CDKL5: variants seen among roughly 807,000 people sequenced by gnomAD.
CDKL5 encodes cyclin-dependent kinase-like 5.
A neutral mutation model predicts 61.7 loss-of-function variants in CDKL5; 8 were observed. That is an observed-to-expected ratio of 0.13 (90% CI 0.08 to 0.23). CDKL5 has a LOEUF of 0.23. CDKL5 is among the 10% of genes least tolerant of loss of function. The pLI is 1.00. For synonymous variants in CDKL5, 275 were observed against 272.3 expected, an observed-to-expected ratio of 1.01 and a Z score of -0.10; for missense variants, 440 against 734.5, an observed-to-expected ratio of 0.60 and a Z score of 4.63.
At chrX:18,576,730 T>A (rs894405348) in intron 5 of CDKL5, among the ~76,000 whole-genome samples, 5 of 110,864 alleles carry the variant, frequency 4.5e-5, no homozygotes, top group African/African-American at 1.3e-4. Context: ...TTTTCCAGAA[T>A]CTGTTTTAAG....
intron 1 of CDKL5, among the ~76,000 whole-genome samples, chrX:18,457,708 T>C (rs980660847): frequency 7.4e-5 from 8 of 108,623 alleles, no homozygotes; most frequent in African/African-American, 1.7e-4. Context: ...CTCTGCCTCC[T>C]GGGTTCAAGC....
Position 18,613,281 on chromosome X carries a change from C to T in CDKL5, c.2276+6C>T. The T allele has an allele frequency of 7.6e-6, 9 of 1,191,438 alleles. No individual in the cohort carries two copies. The highest frequency in any genetic ancestry group is 1.0e-5 in the Non-Finnish European group (9 of 882,583). On this transcript the variant is annotated splice_donor_region_variant and intron_variant, in intron 15 of 17. Coordinates refer to ENST00000623535, the MANE Select transcript of CDKL5 (RefSeq NM_001323289.2). Reference sequence around the variant, plus strand: ...CAACCAGCATTCGATCCATGGTGAGCATTTTGGTTTGTTTTTACTCTTCCT... The same window carrying T: ...CAACCAGCATTCGATCCATGGTGAGTATTTTGGTTTGTTTTTACTCTTCCT...
At chrX:18,478,592 A>G (rs184249993) in intron 1 of CDKL5, among the ~76,000 whole-genome samples, 56 of 105,032 alleles carry the variant, frequency 5.3e-4, no homozygotes, top group Non-Finnish European at 8.6e-4. Context: ...TGCCTGGCCA[A>G]TCTCCGTTGT....
chrX:18,488,047 C>A (rs932106861), intron 1 of CDKL5, among the ~76,000 whole-genome samples: 2 of 111,767 alleles, frequency 1.8e-5, no homozygotes, highest in Non-Finnish European at 3.8e-5. Flanking sequence ...AATTCAAATA[C>A]TACTTAATTC....
chrX:18,477,456 G>A (rs1921361262), intron 1 of CDKL5, among the ~76,000 whole-genome samples: 1 of 112,138 alleles, frequency 8.9e-6, no homozygotes, highest in African/African-American at 3.2e-5. Flanking sequence ...GATATGTTTG[G>A]ATTTACATCT....
intron 15 of CDKL5, among the ~76,000 whole-genome samples, chrX:18,615,808 T>A (rs1458340354): frequency 8.9e-6 from 1 of 112,284 alleles, no homozygotes; most frequent in East Asian, 2.8e-4. Flanking sequence ...AAGAGAATAT[T>A]TGTACAGTGT....
Position 18,638,729 on chromosome X carries a change from T to C in CDKL5, c.*9972T>C, listed in dbSNP as rs893577024. ...TTTGCAATGATGGACAAGTTAGTTA[T>C]AATTCATATGGAAATTCAAGGAACC... On this transcript the variant is annotated 3_prime_UTR_variant, in exon 18 of 18. Transcript: ENST00000623535. Among the ~76,000 whole-genome samples, 1 of 112,245 alleles carries C rather than the reference T, an allele frequency of 8.9e-6. No individual in the cohort carries two copies. The highest frequency in any genetic ancestry group is 1.9e-5 in the Non-Finnish European group (1 of 53,294).
At chrX:18,610,355 T>C (rs997300037) in intron 14 of CDKL5, among the ~76,000 whole-genome samples, 6 of 112,538 alleles carry the variant, frequency 5.3e-5, no homozygotes, top group African/African-American at 1.6e-4. Flanking sequence ...TCCTCTTCAG[T>C]ATAATATCTT....
chrX:18,456,089 C>T (rs753186837), intron 1 of CDKL5, among the ~76,000 whole-genome samples: 1 of 107,074 alleles, frequency 9.3e-6, no homozygotes, highest in South Asian at 4.2e-4. Context: ...GCTCTTGTCA[C>T]CCAGGCTGGA....
chrX:18,560,484 GA>G (rs1432639860), intron 3 of CDKL5, among the ~76,000 whole-genome samples: 1 of 111,941 alleles, frequency 8.9e-6, no homozygotes, highest in Non-Finnish European at 1.9e-5. Flanking sequence ...GCCTAAAATG[GA>G]TAAAACAAAA....
chrX:18,429,835 A>G (rs1171936594), intron 1 of CDKL5, among the ~76,000 whole-genome samples: 1 of 111,463 alleles, frequency 9.0e-6, no homozygotes, highest in Non-Finnish European at 1.9e-5. Context: ...GCGGGGTCTC[A>G]TGATGTTGCT....
intron 1 of CDKL5, among the ~76,000 whole-genome samples, chrX:18,463,425 A>T (rs1932333759): frequency 8.9e-6 from 1 of 112,205 alleles, no homozygotes; most frequent in Non-Finnish European, 1.9e-5. Context: ...ATTCTCTTTA[A>T]ATATTTTGAG....
intron 1 of CDKL5, among the ~76,000 whole-genome samples, chrX:18,431,083 G>A (rs765448306): frequency 6.3e-4 from 69 of 109,429 alleles, no homozygotes; most frequent in African/African-American, 2.2e-3. Flanking sequence ...AAGTGGTCTC[G>A]AACTCCTGAC....
At chrX:18,590,360 C>G (rs1454644935) in intron 9 of CDKL5, among the ~76,000 whole-genome samples, 2 of 111,984 alleles carry the variant, frequency 1.8e-5, no homozygotes, top group South Asian at 7.5e-4. Context: ...AATAATCTCC[C>G]CACCATTTCT....
chrX:18,460,961 A>G (rs1212332546), intron 1 of CDKL5, among the ~76,000 whole-genome samples: 1 of 112,388 alleles, frequency 8.9e-6, no homozygotes, highest in Non-Finnish European at 1.9e-5. Flanking sequence ...GTTGGACACG[A>G]TGGAAATATT....
At chrX:18,580,074 C>T in intron 6 of CDKL5, 106 bp downstream of exon 6, 3 of 683,887 alleles carry the variant, frequency 4.4e-6, no homozygotes, top group Non-Finnish European at 6.8e-6. Context: ...ATTGGCATTG[C>T]CATTTAAATT....
In CDKL5 at chrX:18,637,898, G is replaced by A. The variant is rs754814536; in HGVS notation, c.*9141G>A. ...GAATCTTTAATGCCAGTTACACAGAGCTCAGTAGGTGTCCGCACAGCCCTT... is the reference window on the plus strand; with the variant it reads ...GAATCTTTAATGCCAGTTACACAGAACTCAGTAGGTGTCCGCACAGCCCTT... On this transcript the variant is annotated 3_prime_UTR_variant, in exon 18 of 18. Transcript: ENST00000623535. 8.0e-5 allele frequency: 9 copies of A among 112,129 alleles called. No individual in the cohort carries two copies. In the South Asian group the frequency reaches 2.6e-3, roughly 33 times the overall value. 9.2% of individuals were successfully genotyped at this position (112,129 alleles called of 1,213,427 possible).
At chrX:18,509,246 C>CACACACACACACA (rs1555940191) in intron 2 of CDKL5, among the ~76,000 whole-genome samples, 29 of 97,238 alleles carry the variant, frequency 3.0e-4, no homozygotes, top group Non-Finnish European at 4.1e-4. Flanking sequence ...CACACACACA[C>CACACACACACACA]CCCTGTCAAG....
chrX:18,463,992 C>T lies in CDKL5; in HGVS notation c.-163+38297C>T, dbSNP rs187450084. Among the ~76,000 whole-genome samples, 158 of 109,578 alleles carry T rather than the reference C, an allele frequency of 1.4e-3. 1 individual carries two copies. The highest frequency in any genetic ancestry group is 2.3e-3 in the Non-Finnish European group (119 of 52,639). On this transcript the variant is annotated intron_variant, in intron 1 of 17. Coordinates refer to ENST00000623535, the MANE Select transcript of CDKL5 (RefSeq NM_001323289.2). ...CATGTATGACAGAATATACCATCTTCTTAAGTATGGTGTGTGTGTTTTTTT... is the reference window on the plus strand; with the variant it reads ...CATGTATGACAGAATATACCATCTTTTTAAGTATGGTGTGTGTGTTTTTTT...
Sources: gnomAD v4.1 joint callset for allele counts (sites outside exome capture counted in the v4.1 genomes callset) on GRCh38, gnomAD v4.1.1 for gene constraint, MANE v1.5 for transcripts, NCBI Gene and HGNC (gene_info 2026-07-23, HGNC 2026-07-21) for gene names.